DNAH12: variants seen among roughly 807,000 people sequenced by gnomAD.
DNAH12 encodes dynein axonemal heavy chain 12, also known as axonemal beta dynein heavy chain 12.
A neutral mutation model predicts 371.5 loss-of-function variants in DNAH12; 285 were observed. The observed-to-expected ratio is 0.77, with a 90% CI of 0.70 to 0.85. The LOEUF (loss-of-function observed/expected upper bound fraction) is 0.85, where lower values mean the gene tolerates loss of function less well. Ranked by LOEUF, DNAH12 falls within the 40% of genes least tolerant of loss-of-function variation. DNAH12 has a pLI of 0.00. For missense variants in DNAH12, 3,611 were observed against 3,689.4 expected, an observed-to-expected ratio of 0.98 and a Z score of 0.55; for synonymous variants, 1,200 against 1,213.0, an observed-to-expected ratio of 0.99 and a Z score of 0.22.
Position 57,500,164 on chromosome 3 carries a change from C to CT in DNAH12, c.1335+1156_1335+1157insA, listed in dbSNP as rs200750856. Reference sequence around the variant, plus strand: ...CAAGCGATCCTACTCCTCAGCCCCCCCTAGTAGCTGGGATTACAGGCATGG... The same window carrying CT: ...CAAGCGATCCTACTCCTCAGCCCCCCTCTAGTAGCTGGGATTACAGGCATGG... On this transcript the variant is annotated intron_variant, in intron 11 of 73. Transcript: ENST00000495027. 6.1e-5 allele frequency among the ~76,000 whole-genome samples: 9 copies of CT among 146,796 alleles called. No homozygotes were observed. The South Asian group carries it at 1.0e-3, about 17-fold the overall frequency.
chr3:57,354,192 A>C (rs1356069344), intron 59 of DNAH12, among the ~76,000 whole-genome samples: 1 of 152,234 alleles, frequency 6.6e-6, no homozygotes, highest in African/African-American at 2.4e-5. Context: ...CACAGCCACC[A>C]AAAGGAATGA....
Position 57,413,832 on chromosome 3 carries a change from T to C in DNAH12, c.5934A>G (p.Ile1978Met). 1 of 1,551,288 alleles carries C rather than the reference T, an allele frequency of 6.4e-7. No individual in the cohort carries two copies. Among genetic ancestry groups the C allele is most frequent in the South Asian group, 1.2e-5 (1 of 84,052 alleles). ...PPMGKKCIIF[I>M]DDMNMPALEK... ...CCAATGCAGGCATATTCATATCATC[T>C]ATAAAAATTATACACTTCTTTCCCA... Residue 1978 changes from isoleucine to methionine, a missense_variant, in exon 39 of 74, where the codon ATA (isoleucine) becomes ATG (methionine). Physicochemically the swap from Ile to Met is conservative, Grantham distance 10. Coordinates refer to ENST00000495027, the MANE Select transcript of DNAH12 (RefSeq NM_001366028.2).
chr3:57,499,256 G>A (rs1015554469), intron 11 of DNAH12, among the ~76,000 whole-genome samples: 14 of 152,054 alleles, frequency 9.2e-5, no homozygotes, highest in African/African-American at 3.4e-4. Context: ...AGGTTTCTGA[G>A]GTAGGAGAAA....
chr3:57,348,530 A>G (rs782068143), intron 60 of DNAH12, among the ~76,000 whole-genome samples: 2 of 152,162 alleles, frequency 1.3e-5, no homozygotes, highest in African/African-American at 2.4e-5. Flanking sequence ...ATGCAAGCTC[A>G]TAGATGCTAA....
Position 57,334,581 on chromosome 3 carries a change from A to G in DNAH12, c.9862T>C (p.Trp3288Arg). The G allele has an allele frequency of 1.3e-6, 2 of 1,547,678 alleles. No individual in the cohort carries two copies. The highest frequency in any genetic ancestry group is 1.4e-5 in the African/African-American group (1 of 72,988). Reference sequence around the variant, plus strand: ...TCTTTACTGTCATAGATTTCTCGCCATTCATATATATGTTCACAAAAATGT... The same window carrying G: ...TCTTTACTGTCATAGATTTCTCGCCGTTCATATATATGTTCACAAAAATGT... Reference protein sequence around the residue: ...RQHFCEHIYEWREIYDSKEPH... With the variant: ...RQHFCEHIYERREIYDSKEPH... Residue 3288 changes from tryptophan (W) to arginine (R), a missense_variant, in exon 62 of 74, where the codon TGG becomes CGG. Physicochemically the swap from Trp to Arg is moderately radical, Grantham distance 101. This residue lies in a region of DNAH12 where 2,266 missense variants were observed against 2,236.9 expected (regional missense o/e 1.01). Coordinates refer to ENST00000495027, the MANE Select transcript of DNAH12 (RefSeq NM_001366028.2).
At chr3:57,314,999 G>A (rs1411783640) in intron 65 of DNAH12, among the ~76,000 whole-genome samples, 2 of 152,104 alleles carry the variant, frequency 1.3e-5, no homozygotes, top group Non-Finnish European at 2.9e-5. Flanking sequence ...GTAAGTGCAG[G>A]GGAATGATTA....
intron 67 of DNAH12, 142 bp from the exon 68 acceptor site, chr3:57,309,996 G>C: frequency 1.5e-6 from 1 of 654,044 alleles, no homozygotes; most frequent in Non-Finnish European, 2.4e-6. Context: ...GATACAGAAA[G>C]AGGTCTCTGC....
At chr3:57,516,365 G>A (rs943778853) in intron 4 of DNAH12, among the ~76,000 whole-genome samples, 5 of 151,908 alleles carry the variant, frequency 3.3e-5, no homozygotes, top group Admixed American at 2.0e-4. Flanking sequence ...CCCGGCCCAT[G>A]TACTGCCTAA....
At chr3:57,425,491 C>T (rs935104099) in intron 34 of DNAH12, among the ~76,000 whole-genome samples, 1 of 152,038 alleles carries the variant, frequency 6.6e-6, no homozygotes, top group Non-Finnish European at 1.5e-5. Flanking sequence ...GCAGCCTCAA[C>T]CTTCTGGACT....
chr3:57,469,042 T>A, intron 16 of DNAH12, 63 bp from the exon 17 acceptor site: 4 of 1,395,570 alleles, frequency 2.9e-6, no homozygotes, highest in South Asian at 2.8e-5. Context: ...GCCTTAGAGA[T>A]CCTTTAGGCT....
chr3:57,371,911 A>T (rs2063179693), intron 55 of DNAH12, among the ~76,000 whole-genome samples: 1 of 144,574 alleles, frequency 6.9e-6, no homozygotes, highest in African/African-American at 2.6e-5. Context: ...AAAGCAAAAA[A>T]CAACTGTCAA....
chr3:57,304,754 G>A (rs953331072), intron 69 of DNAH12, among the ~76,000 whole-genome samples: 1 of 151,926 alleles, frequency 6.6e-6, no homozygotes, highest in East Asian at 1.9e-4. Context: ...AGAACCCCCC[G>A]ACCCCTTTTC....
intron 17 of DNAH12, among the ~76,000 whole-genome samples, chr3:57,463,357 T>G (rs1426989367): frequency 6.6e-6 from 1 of 152,050 alleles, no homozygotes; most frequent in Non-Finnish European, 1.5e-5. Flanking sequence ...TATATAGTTA[T>G]AAACACACAT....
rs1047112248 is a variant in DNAH12, at chr3:57,295,694, G to C, written c.11625-102C>G. The C allele has an allele frequency of 7.7e-6, 7 of 909,802 alleles. No homozygotes were observed. The Admixed American group carries it at 2.4e-4, about 31-fold the overall frequency. The allele number at this position is 909,802 out of a possible 1,614,324, so 56.4% of individuals were successfully genotyped here. On this transcript the variant is annotated intron_variant, in intron 72 of 73. Transcript: ENST00000495027. ...TGGCTTTTACTAAAAGAAAGGACTA[G>C]AGGCATAGAGAAAAAGAAATGTAAA...
intron 55 of DNAH12, among the ~76,000 whole-genome samples, chr3:57,369,730 CT>C (rs1157100670): frequency 6.6e-6 from 1 of 152,098 alleles, no homozygotes; most frequent in African/African-American, 2.4e-5. Context: ...TTTCAAGCCC[CT>C]GTTTAAAGAG....
At chr3:57,401,843 A>G (rs1208096987) in intron 43 of DNAH12, among the ~76,000 whole-genome samples, 1 of 152,176 alleles carries the variant, frequency 6.6e-6, no homozygotes. Context: ...AATACAAAGA[A>G]TTATAGGAGA....
chr3:57,449,800 CA>C (rs1392329872), intron 25 of DNAH12, among the ~76,000 whole-genome samples: 3 of 152,230 alleles, frequency 2.0e-5, no homozygotes, highest in African/African-American at 7.2e-5. Context: ...TCCCACAGTG[CA>C]GCGGCGGGCC....
chr3:57,505,227 C>T (rs1430113623), intron 8 of DNAH12, among the ~76,000 whole-genome samples: 3 of 150,536 alleles, frequency 2.0e-5, no homozygotes, highest in Admixed American at 6.6e-5. Flanking sequence ...CATTAAACAT[C>T]TCCACTTACC....
intron 45 of DNAH12, among the ~76,000 whole-genome samples, chr3:57,389,842 T>A (rs1259266779): frequency 4.4e-3 from 301 of 69,052 alleles, no homozygotes; most frequent in Non-Finnish European, 8.6e-3. Context: ...ATATATATAA[T>A]ACTTTTTTTT....
Sources: allele counts gnomAD v4.1 joint callset (sites outside exome capture counted in the v4.1 genomes callset), GRCh38; gene constraint gnomAD v4.1.1; regional missense constraint gnomAD v4.1.1; transcripts MANE v1.5; gene names NCBI Gene and HGNC (gene_info 2026-07-23, HGNC 2026-07-21).